Variants in VSNL1 observed in about 807,000 individuals in gnomAD.
VSNL1 encodes visinin-like protein 1.
A neutral mutation model predicts 20.4 loss-of-function variants in VSNL1; 6 were observed. That is an observed-to-expected ratio of 0.29 (90% CI 0.16 to 0.58). The LOEUF (loss-of-function observed/expected upper bound fraction) is 0.58. Among genes scored for constraint, VSNL1 ranks in the 20% least tolerant of loss-of-function variants. VSNL1 has a pLI of 0.90. For synonymous variants in VSNL1, 93 were observed against 86.4 expected (o/e 1.08, Z -0.42); for missense variants, 100 against 234.5 (o/e 0.43, Z 3.75).
At chr2:17,586,804 A>G (rs1664484783) in intron 1 of VSNL1, among the ~76,000 whole-genome samples, 1 of 152,220 alleles carries the variant, frequency 6.6e-6, no homozygotes, top group Non-Finnish European at 1.5e-5. Flanking sequence ...GAGAAGTATC[A>G]TGGAGAAAAC....
At chr2:17,640,287 A>G (rs560411296) in intron 2 of VSNL1, among the ~76,000 whole-genome samples, 2 of 152,082 alleles carry the variant, frequency 1.3e-5, no homozygotes, top group Non-Finnish European at 2.9e-5. Context: ...AAGAAAAGAA[A>G]CTAAAGCTTT....
chr2:17,550,410 A>G (rs1663504988), intron 1 of VSNL1, among the ~76,000 whole-genome samples: 1 of 152,146 alleles, frequency 6.6e-6, no homozygotes, highest in Admixed American at 6.5e-5. Flanking sequence ...TTGCCTCTGG[A>G]TTTCTCATGC....
chr2:17,622,593 AAAG>A (rs1402643944), intron 2 of VSNL1, among the ~76,000 whole-genome samples: 4 of 131,898 alleles, frequency 3.0e-5, no homozygotes, highest in Admixed American at 7.5e-5. Context: ...AGAAAGAAAG[AAAG>A]AAAGAAAAGA....
chr2:17,629,693 C>T (rs143462781), intron 2 of VSNL1, among the ~76,000 whole-genome samples: 68 of 152,364 alleles, frequency 4.5e-4, no homozygotes, highest in African/African-American at 1.4e-3. Context: ...GGAGGCACCT[C>T]GTCCACTCGG....
intron 2 of VSNL1, among the ~76,000 whole-genome samples, chr2:17,630,087 C>A (rs11096481): frequency 0.59 from 89,838 of 152,186 alleles, 28,252 homozygotes; most frequent in Middle Eastern, 0.87. Flanking sequence ...TAATCACAAG[C>A]AAGCAAGCCA....
intron 2 of VSNL1, among the ~76,000 whole-genome samples, chr2:17,623,402 G>T (rs374924940): frequency 6.6e-5 from 10 of 151,580 alleles, no homozygotes; most frequent in African/African-American, 2.4e-4. Flanking sequence ...GGGCACGGTG[G>T]CTCACGTCTG....
At chr2:17,544,455 A>T (rs1021460433) in intron 1 of VSNL1, among the ~76,000 whole-genome samples, 7 of 152,186 alleles carry the variant, frequency 4.6e-5, no homozygotes, top group Non-Finnish European at 7.4e-5. Flanking sequence ...GCTTTGGTTT[A>T]CTACACTGTG....
chr2:17,637,919 C>T (rs1446988615), intron 2 of VSNL1, among the ~76,000 whole-genome samples: 2 of 152,208 alleles, frequency 1.3e-5, no homozygotes, highest in East Asian at 1.9e-4. Context: ...TCTCACATAA[C>T]TCCCCCACGG....
chr2:17,541,912 G>C lies in VSNL1; in HGVS notation c.-6+994G>C, dbSNP rs570846993. On this transcript the variant is annotated intron_variant, in intron 1 of 3. Transcript: ENST00000295156. ...AAATGATGAGTGCTCCGCATTGCCT[G>C]ATCAGTGCCCTGTGAGATGCCAGAG... Among the ~76,000 whole-genome samples, 4 of 152,266 alleles carry C rather than the reference G, an allele frequency of 2.6e-5. No homozygotes were observed. The South Asian group carries it at 6.2e-4, about 24-fold the overall frequency.
chr2:17,559,807 A>G (rs1663771495), intron 1 of VSNL1, among the ~76,000 whole-genome samples: 1 of 152,122 alleles, frequency 6.6e-6, no homozygotes, highest in South Asian at 2.1e-4. Flanking sequence ...AAAGAAAAAG[A>G]CTTCTATCTA....
At chr2:17,613,763 A>G (rs1377171230) in intron 2 of VSNL1, among the ~76,000 whole-genome samples, 1 of 152,190 alleles carries the variant, frequency 6.6e-6, no homozygotes, top group East Asian at 1.9e-4. Flanking sequence ...TCCACGTTTC[A>G]TCCTGTTGTC....
intron 2 of VSNL1, among the ~76,000 whole-genome samples, chr2:17,624,245 C>T (rs1558304250): frequency 6.6e-6 from 1 of 152,150 alleles, no homozygotes; most frequent in South Asian, 2.1e-4. Flanking sequence ...ACAGCTGGGG[C>T]CAGTGTGTGA....
chr2:17,589,910 G>A (rs1664560092), intron 1 of VSNL1, among the ~76,000 whole-genome samples: 1 of 152,082 alleles, frequency 6.6e-6, no homozygotes, highest in Non-Finnish European at 1.5e-5. Flanking sequence ...ATCCCCTCTA[G>A]GCACTGATTC....
At chr2:17,608,047 A>G (rs1289757817) in intron 2 of VSNL1, among the ~76,000 whole-genome samples, 1 of 152,246 alleles carries the variant, frequency 6.6e-6, no homozygotes, top group Non-Finnish European at 1.5e-5. Context: ...TATTTTCCCA[A>G]AGAGGAAATG....
chr2:17,587,854 T>C (rs1664512901), intron 1 of VSNL1, among the ~76,000 whole-genome samples: 1 of 152,240 alleles, frequency 6.6e-6, no homozygotes, highest in Non-Finnish European at 1.5e-5. Context: ...TTTTTAATGC[T>C]GTAAAAAAGG....
chr2:17,569,228 A>C (rs1664024813), intron 1 of VSNL1, among the ~76,000 whole-genome samples: 1 of 151,526 alleles, frequency 6.6e-6, no homozygotes, highest in South Asian at 2.1e-4. Flanking sequence ...GATTGCTTGA[A>C]CTCAGGAGGC....
intron 1 of VSNL1, among the ~76,000 whole-genome samples, chr2:17,558,932 A>T (rs904571546): frequency 1.3e-5 from 2 of 152,146 alleles, no homozygotes; most frequent in Non-Finnish European, 2.9e-5. Flanking sequence ...TAAGAGAGAA[A>T]TTTATTTCTC....
chr2:17,581,606 C>T (rs1015194650), intron 1 of VSNL1, among the ~76,000 whole-genome samples: 2 of 152,114 alleles, frequency 1.3e-5, no homozygotes, highest in African/African-American at 2.4e-5. Flanking sequence ...GAGATAATTT[C>T]GAGAGACCAC....
intron 1 of VSNL1, among the ~76,000 whole-genome samples, chr2:17,590,532 G>A (rs1051798432): frequency 6.6e-6 from 1 of 152,154 alleles, no homozygotes; most frequent in Non-Finnish European, 1.5e-5. Flanking sequence ...TCATGCTGAC[G>A]AGTTTGGAGG....
Sources: gnomAD v4.1 joint callset for allele counts (sites outside exome capture counted in the v4.1 genomes callset) on GRCh38, gnomAD v4.1.1 for gene constraint, MANE v1.5 for transcripts, NCBI Gene and HGNC (gene_info 2026-07-23, HGNC 2026-07-21) for gene names.